Variants in SOBP observed in about 807,000 individuals in gnomAD.
SOBP encodes sine oculis-binding protein homolog.
Under a neutral mutation model 53.6 loss-of-function variants are expected in SOBP, and 4 were observed. The observed-to-expected ratio is 0.07, with a 90% CI of 0.04 to 0.17. SOBP has a LOEUF of 0.17. Among genes scored for constraint, SOBP ranks in the 10% least tolerant of loss-of-function variants. The pLI is 1.00. For missense variants in SOBP, 1,088 were observed against 1,204.7 expected (o/e 0.90, Z 1.43); for synonymous variants, 584 against 522.6 (o/e 1.12, Z -1.60).
At chr6:107,503,628 A>G (rs1439849462) in intron 1 of SOBP, 29 bp from the exon 2 acceptor site, 2 of 1,612,928 alleles carry the variant, frequency 1.2e-6, no homozygotes, top group African/African-American at 1.3e-5. Flanking sequence ...GATTATAGAA[A>G]TAAGTAGTAG....
chr6:107,584,575 G>A (rs1332612475), intron 4 of SOBP, among the ~76,000 whole-genome samples: 1 of 152,138 alleles, frequency 6.6e-6, no homozygotes, highest in Non-Finnish European at 1.5e-5. Context: ...GGGTGTTAGA[G>A]GACAGGCCAT....
intron 3 of SOBP, among the ~76,000 whole-genome samples, chr6:107,515,357 CTTATT>C (rs906735532): frequency 6.6e-6 from 1 of 152,156 alleles, no homozygotes; most frequent in Admixed American, 6.5e-5. Context: ...AATACGTAGA[CTTATT>C]TTATGATCTC....
chr6:107,573,261 G>T (rs926723314), intron 4 of SOBP, among the ~76,000 whole-genome samples: 1 of 151,954 alleles, frequency 6.6e-6, no homozygotes, highest in Non-Finnish European at 1.5e-5. Flanking sequence ...TGGGATGCTG[G>T]GCATACCCTT....
chr6:107,527,584 A>G (rs1783700272), intron 3 of SOBP, among the ~76,000 whole-genome samples: 1 of 152,202 alleles, frequency 6.6e-6, no homozygotes, highest in South Asian at 2.1e-4. Flanking sequence ...TAGAATGTGC[A>G]TATTTAATCG....
At chr6:107,578,666 T>G (rs895065335) in intron 4 of SOBP, among the ~76,000 whole-genome samples, 1 of 152,214 alleles carries the variant, frequency 6.6e-6, no homozygotes, top group Non-Finnish European at 1.5e-5. Context: ...TATAAAGCAC[T>G]TAGGATGGTG....
At chr6:107,556,592 A>G (rs1300088080) in intron 4 of SOBP, among the ~76,000 whole-genome samples, 1 of 152,368 alleles carries the variant, frequency 6.6e-6, no homozygotes, top group East Asian at 1.9e-4. Context: ...TTGGCTTGAC[A>G]AAATGGCATG....
chr6:107,630,610 GATTC>G (rs1770664459), intron 5 of SOBP, among the ~76,000 whole-genome samples: 1 of 152,036 alleles, frequency 6.6e-6, no homozygotes. Context: ...AGACAGACTT[GATTC>G]ATTATTTCTT....
chr6:107,656,303 G>GAC (rs1772038522), intron 6 of SOBP, among the ~76,000 whole-genome samples: 1 of 12,622 alleles, frequency 7.9e-5, no homozygotes, highest in African/African-American at 3.8e-4. Flanking sequence ...AAGAAAGAAA[G>GAC]AAAGAAAGAA....
chr6:107,634,731 C>T lies in SOBP; in HGVS notation c.1887C>T (p.Ser629=). The T allele has an allele frequency of 3.8e-6, 5 of 1,325,618 alleles. No individual in the cohort carries two copies. Among genetic ancestry groups the T allele is most frequent in the South Asian group, 2.1e-5 (1 of 47,956 alleles). 82.1% of individuals were successfully genotyped at this position (1,325,618 alleles called of 1,614,324 possible). A position where few individuals can be genotyped will look rare whatever the true frequency, so the allele number is the denominator to read the frequency against. ...EVVDLTRRAG[S]PPGPPGAGGQ... ...TGGACCTGACGCGGCGCGCCGGCAGCCCCCCGGGCCCCCCGGGCGCGGGCG... is the reference window on the plus strand; with the variant it reads ...TGGACCTGACGCGGCGCGCCGGCAGTCCCCCGGGCCCCCCGGGCGCGGGCG... Residue 629 remains serine (S), a synonymous_variant, in exon 6 of 7, where the codon AGC becomes AGT. Coordinates refer to ENST00000317357, the MANE Select transcript of SOBP (RefSeq NM_018013.4). The surrounding 1 kb of genome is among the most constrained non-coding windows in gnomAD (Gnocchi z 4.5).
At chr6:107,638,786 A>G (rs140035058) in intron 6 of SOBP, among the ~76,000 whole-genome samples, 2 of 152,186 alleles carry the variant, frequency 1.3e-5, no homozygotes, top group Non-Finnish European at 2.9e-5. Flanking sequence ...ATTATTTCTC[A>G]TATATATTCA....
At chr6:107,629,113 G>A (rs560601064) in intron 5 of SOBP, among the ~76,000 whole-genome samples, 38 of 152,258 alleles carry the variant, frequency 2.5e-4, no homozygotes, top group African/African-American at 6.0e-4. Context: ...GAGCTACAAC[G>A]TCTGAGCTGT....
intron 4 of SOBP, among the ~76,000 whole-genome samples, chr6:107,542,289 G>A (rs1384639663): frequency 6.6e-6 from 1 of 152,108 alleles, no homozygotes; most frequent in Non-Finnish European, 1.5e-5. Context: ...GTGAGGAGCT[G>A]GCAGCAGAGT....
At chr6:107,654,966 G>T (rs1278948583) in intron 6 of SOBP, among the ~76,000 whole-genome samples, 1 of 151,596 alleles carries the variant, frequency 6.6e-6, no homozygotes, top group Non-Finnish European at 1.5e-5. Context: ...GGTGACTGAG[G>T]AACATAGTAG....
intron 4 of SOBP, among the ~76,000 whole-genome samples, chr6:107,581,176 A>G (rs189091610): frequency 6.6e-6 from 1 of 152,298 alleles, no homozygotes; most frequent in African/African-American, 2.4e-5. Context: ...AATGCAATAA[A>G]TTGGTGTGGA....
chr6:107,573,073 A>G (rs1445174212), intron 4 of SOBP, among the ~76,000 whole-genome samples: 1 of 152,224 alleles, frequency 6.6e-6, no homozygotes, highest in African/African-American at 2.4e-5. Context: ...AAACAAAACA[A>G]TGCCTTTTTT....
chr6:107,551,842 G>A (rs1318827585), intron 4 of SOBP, among the ~76,000 whole-genome samples: 1 of 152,136 alleles, frequency 6.6e-6, no homozygotes. Context: ...ACAACATGGT[G>A]AAACCTCATC....
intron 4 of SOBP, among the ~76,000 whole-genome samples, chr6:107,544,769 C>G (rs1784248000): frequency 6.6e-6 from 1 of 152,070 alleles, no homozygotes; most frequent in African/African-American, 2.4e-5. Context: ...AACAAATATT[C>G]CCTGGAATGA....
chr6:107,606,585 A>G (rs1434649367), intron 5 of SOBP, among the ~76,000 whole-genome samples: 2 of 152,210 alleles, frequency 1.3e-5, no homozygotes, highest in African/African-American at 4.8e-5. Context: ...AAGGCGAGGC[A>G]GCTAATAGCT....
chr6:107,639,598 G>A (rs1771219556), intron 6 of SOBP, among the ~76,000 whole-genome samples: 3 of 152,058 alleles, frequency 2.0e-5, no homozygotes, highest in African/African-American at 2.4e-5. Flanking sequence ...AACATTTTCC[G>A]AACTATTCTA....
Sources: allele counts gnomAD v4.1 joint callset (sites outside exome capture counted in the v4.1 genomes callset), GRCh38; gene constraint gnomAD v4.1.1; non-coding constraint Gnocchi (gnomAD v3.1); transcripts MANE v1.5; gene names NCBI Gene and HGNC (gene_info 2026-07-23, HGNC 2026-07-21).